HUWE1: variants seen among roughly 807,000 people sequenced by gnomAD.
HUWE1 encodes HECT, UBA and WWE domain containing E3 ubiquitin protein ligase 1, also known as E3 ubiquitin-protein ligase HUWE1.
In HUWE1, 18 loss-of-function variants were observed where a neutral mutation model predicts 299.4. That is an observed-to-expected ratio of 0.06 (90% CI 0.04 to 0.09). The LOEUF is 0.09. Ranked by LOEUF, HUWE1 falls within the 10% of genes least tolerant of loss-of-function variation. The pLI is 1.00. For synonymous variants in HUWE1, 1,317 were observed against 1,286.1 expected (o/e 1.02, Z -0.51); for missense variants, 1,832 against 3,462.3 (o/e 0.53, Z 11.82).
At chrX:53,542,726 T>G (rs1247113470) in intron 73 of HUWE1, 187 bp from the exon 74 acceptor site, 4 of 455,505 alleles carry the variant, frequency 8.8e-6, no homozygotes, top group Non-Finnish European at 1.6e-5. Flanking sequence ...TTTTCTCCAC[T>G]GTGTTTTGTA....
chrX:53,639,646 G>A (rs2067447297), intron 7 of HUWE1, among the ~76,000 whole-genome samples: 1 of 112,085 alleles, frequency 8.9e-6, no homozygotes, highest in African/African-American at 3.2e-5. Flanking sequence ...AGGTTATGGG[G>A]AGGTGAACCA....
intron 12 of HUWE1, among the ~76,000 whole-genome samples, chrX:53,629,898 T>C (rs1280204578): frequency 2.7e-5 from 3 of 112,652 alleles, no homozygotes; most frequent in African/African-American, 6.4e-5. Context: ...TAATTTTTCA[T>C]AACATTACTA....
In HUWE1 at chrX:53,541,312, C is replaced by T. The variant is rs193104463; in HGVS notation, c.11476+1131G>A. On this transcript the variant is annotated intron_variant, in intron 74 of 83. Transcript: ENST00000262854. ...TAAAACACGGGAGACTAAGGCTGGT[C>T]GGCCGTGGCTCATGCCTGTAATCCC... 5.4e-3 allele frequency among the ~76,000 whole-genome samples: 607 copies of T among 111,746 alleles called. 4 individuals are homozygous for T. Among genetic ancestry groups the T allele is most frequent in the African/African-American group, 0.019 (579 of 30,782 alleles).
At position 53,624,581 on chromosome X, in the gene HUWE1, T is replaced by A. The variant is rs782795820; in HGVS notation, c.1672+14A>T. The stretch of plus-strand genomic sequence containing the variant: ...TATCCCAAATTGTTATAACCAACTA[T>A]CAACTCCACTTACCTAGGAGGAAGA... On this transcript the variant is annotated intron_variant, in intron 19 of 83. Transcript: ENST00000262854. The A allele has an allele frequency of 2.6e-6, 3 of 1,136,837 alleles. No homozygotes were observed. Among genetic ancestry groups the A allele is most frequent in the Non-Finnish European group, 3.6e-6 (3 of 827,175 alleles). 93.7% of individuals were successfully genotyped at this position (1,136,837 alleles called of 1,213,427 possible).
chrX:53,585,356 T>C, intron 39 of HUWE1, among the ~76,000 whole-genome samples, 168 bp from the exon 40 acceptor site: 2 of 112,624 alleles, frequency 1.8e-5, no homozygotes, highest in Middle Eastern at 9.1e-3. Flanking sequence ...ACTCTCACAT[T>C]CCTTAGTCTC....
At chrX:53,633,926 A>G (rs2067036122) in intron 8 of HUWE1, among the ~76,000 whole-genome samples, 1 of 112,255 alleles carries the variant, frequency 8.9e-6, no homozygotes, top group Admixed American at 9.4e-5. Flanking sequence ...GCAAGCGAAC[A>G]TACTTTCTGG....
chrX:53,594,371 C>T, intron 31 of HUWE1, 128 bp downstream of exon 31: 1 of 751,704 alleles, frequency 1.3e-6, no homozygotes, highest in African/African-American at 2.1e-5. Flanking sequence ...CTGAAGGATA[C>T]AACCAATAGC....
At chrX:53,608,258 G>A (rs1418633123) in intron 24 of HUWE1, among the ~76,000 whole-genome samples, 4 of 111,726 alleles carry the variant, frequency 3.6e-5, no homozygotes, top group African/African-American at 9.8e-5. Flanking sequence ...CAAATGCTAA[G>A]AGGTCTCTCC....
intron 23 of HUWE1, among the ~76,000 whole-genome samples, chrX:53,609,182 C>T (rs1556999777): frequency 9.0e-6 from 1 of 111,138 alleles, no homozygotes. Flanking sequence ...AATCCTGAAT[C>T]TACCTTTCCA....
At chrX:53,657,365 G>A (rs781965564) in intron 3 of HUWE1, among the ~76,000 whole-genome samples, 1 of 111,697 alleles carries the variant, frequency 9.0e-6, no homozygotes, top group African/African-American at 3.3e-5. Flanking sequence ...TTTGAGGTAA[G>A]GAGTTCAAGA....
chrX:53,561,361 GC>G (rs2062282416), intron 55 of HUWE1, among the ~76,000 whole-genome samples: 1 of 112,628 alleles, frequency 8.9e-6, no homozygotes. Flanking sequence ...GCTCCCCAAA[GC>G]CAAGCTCAAA....
rs782166924 is a variant in HUWE1, at chrX:53,575,643, A to G, written c.6030T>C (p.Asn2010=). 3 of 1,210,917 alleles carry G rather than the reference A, an allele frequency of 2.5e-6. No homozygotes were observed. Among genetic ancestry groups the G allele is most frequent in the African/African-American group, 1.7e-5 (1 of 57,849 alleles). ...TAAAACGCTGTTGGAATTGACTTAC[A>G]TTAATGGAAAAACCTGACTGCGTAT... ...DFDTQSGFSI[N]SQVFAADGAS... Residue 2010 remains asparagine (N), a splice_region_variant and synonymous_variant, in exon 45 of 84, where the codon AAT becomes AAC. Transcript: ENST00000262854.
chrX:53,597,954 A>AT (rs782790397), intron 29 of HUWE1, among the ~76,000 whole-genome samples: 1 of 111,921 alleles, frequency 8.9e-6, no homozygotes, highest in South Asian at 3.7e-4. Context: ...CTGTCCTGAT[A>AT]TTGTGCAGAA....
At chrX:53,565,313 C>T in intron 49 of HUWE1, 74 bp from the exon 50 acceptor site, 1 of 908,321 alleles carries the variant, frequency 1.1e-6, no homozygotes, top group South Asian at 2.2e-5. Context: ...TGACACTAAG[C>T]TTCTTACAAT....
At chrX:53,610,184 G>A (rs1398011140) in intron 23 of HUWE1, among the ~76,000 whole-genome samples, 1 of 111,642 alleles carries the variant, frequency 9.0e-6, no homozygotes, top group Non-Finnish European at 1.9e-5. Context: ...GAGTGCAGGT[G>A]TGGATCCCGC....
Position 53,627,503 on chromosome X carries a change from A to G in HUWE1, c.1396T>C (p.Leu466=), listed in dbSNP as rs1557018846. 8.5e-7 allele frequency: 1 copy of G among 1,181,053 alleles called. No homozygotes were observed. The highest frequency in any genetic ancestry group is 3.0e-5 in the East Asian group (1 of 33,586). The part of the protein sequence containing the change: ...FIYRLEHEVD[L]CRKECPFVIK... ...ACAAACGGACATTCTTTTCGGCACA[A>G]ATCTACTTCATGCTACAATCAAGAG... is the stretch of plus-strand genomic sequence containing the variant. Residue 466 remains leucine (L), a synonymous_variant, in exon 17 of 84, where the codon TTG becomes CTG. Coordinates refer to ENST00000262854, the MANE Select transcript of HUWE1 (RefSeq NM_031407.7).
chrX:53,655,632 A>C (rs1051342606), intron 3 of HUWE1, among the ~76,000 whole-genome samples: 1 of 111,895 alleles, frequency 8.9e-6, no homozygotes, highest in Admixed American at 9.4e-5. Context: ...GGAAACTATA[A>C]GCTGAGCTAT....
intron 27 of HUWE1, 70 bp from the exon 28 acceptor site, chrX:53,602,728 G>A: frequency 1.7e-6 from 1 of 575,806 alleles, no homozygotes; most frequent in East Asian, 3.7e-5. Flanking sequence ...CTCTTATATT[G>A]TAAATGGTCT....
At chrX:53,670,408 G>A (rs2069462262) in intron 3 of HUWE1, among the ~76,000 whole-genome samples, 1 of 111,352 alleles carries the variant, frequency 9.0e-6, no homozygotes, top group African/African-American at 3.3e-5. Flanking sequence ...ATCCAGCCAT[G>A]TTACCATGGA....
Sources: gnomAD v4.1 joint callset for allele counts (sites outside exome capture counted in the v4.1 genomes callset) on GRCh38, gnomAD v4.1.1 for gene constraint, MANE v1.5 for transcripts, NCBI Gene and HGNC (gene_info 2026-07-23, HGNC 2026-07-21) for gene names.